Variants in MCM9 observed in about 807,000 individuals in gnomAD.
The protein encoded by MCM9 is DNA helicase MCM9.
In MCM9, 55 loss-of-function variants were observed where a neutral mutation model predicts 72.8. The observed-to-expected ratio is 0.76, with a 90% confidence interval of 0.61 to 0.95. MCM9 has a LOEUF of 0.95. Ranked by LOEUF, MCM9 falls within the 40% of genes least tolerant of loss-of-function variation. The pLI is 0.00. For missense variants in MCM9, 1,279 were observed against 1,377.0 expected (o/e 0.93, Z 1.13); for synonymous variants, 480 against 503.4 (o/e 0.95, Z 0.62).
chr6:118,814,640 G>A lies in MCM9; in HGVS notation c.*184C>T. 1.9e-6 allele frequency: 1 copy of A among 530,134 alleles called. No homozygotes were observed. The allele number at this position is 530,134 out of a possible 1,614,324, so 32.8% of individuals were successfully genotyped here. A position where few individuals can be genotyped will look rare whatever the true frequency, so the allele number is the denominator to read the frequency against. ...TGCTGGTATCACACTGACCTCAACT[G>A]ATTATACAACTTTTTAAGTCATGAA... On this transcript the variant is annotated 3_prime_UTR_variant, in exon 14 of 14. Coordinates refer to ENST00000619706, the MANE Select transcript of MCM9 (RefSeq NM_017696.3).
At chr6:118,848,758 T>C (rs1776040889) in intron 9 of MCM9, among the ~76,000 whole-genome samples, 1 of 152,058 alleles carries the variant, frequency 6.6e-6, no homozygotes, top group Non-Finnish European at 1.5e-5. Context: ...ACCCCATCTC[T>C]ACTAAAACAC....
intron 8 of MCM9, among the ~76,000 whole-genome samples, chr6:118,889,516 G>C (rs1287146309): frequency 3.3e-5 from 5 of 152,152 alleles, no homozygotes; most frequent in African/African-American, 1.2e-4. Flanking sequence ...TCTGATGAAT[G>C]AGAGCAGTAG....
chr6:118,863,578 T>C (rs1035704144), intron 8 of MCM9, among the ~76,000 whole-genome samples: 1 of 152,218 alleles, frequency 6.6e-6, no homozygotes, highest in African/African-American at 2.4e-5. Context: ...ATATTAAATC[T>C]TAATCCCCAT....
At chr6:118,911,055 AT>A in intron 8 of MCM9, 1 of 983,614 alleles carries the variant, frequency 1.0e-6, no homozygotes, top group Non-Finnish European at 1.2e-6. Context: ...TTTTAAAATA[AT>A]TTTTTTCTAA....
chr6:118,825,770 C>T (rs140428753), intron 13 of MCM9, among the ~76,000 whole-genome samples: 2 of 152,256 alleles, frequency 1.3e-5, no homozygotes, highest in Non-Finnish European at 2.9e-5. Flanking sequence ...GTCTATTATT[C>T]ACATTTTAAT....
intron 9 of MCM9, among the ~76,000 whole-genome samples, chr6:118,847,851 A>G (rs1401021887): frequency 6.6e-6 from 1 of 151,970 alleles, no homozygotes; most frequent in East Asian, 1.9e-4. Flanking sequence ...AATCACCTTT[A>G]GAGCAAGTGA....
chr6:118,897,315 G>C (rs957872850), intron 8 of MCM9, among the ~76,000 whole-genome samples: 8 of 152,096 alleles, frequency 5.3e-5, no homozygotes, highest in Admixed American at 5.2e-4. Context: ...TTGGTCTTAA[G>C]ATAATTTGGT....
chr6:118,881,137 A>G (rs1778262836), intron 8 of MCM9, among the ~76,000 whole-genome samples: 1 of 152,236 alleles, frequency 6.6e-6, no homozygotes, highest in Non-Finnish European at 1.5e-5. Context: ...GGGAAATTGA[A>G]ATCATGCAAA....
chr6:118,844,202 G>C (rs1187575746), intron 9 of MCM9, among the ~76,000 whole-genome samples: 1 of 151,818 alleles, frequency 6.6e-6, no homozygotes, highest in Non-Finnish European at 1.5e-5. Flanking sequence ...GCATTTGGCA[G>C]TTAACTGTAC....
chr6:118,890,412 A>G (rs1778867192), intron 8 of MCM9, among the ~76,000 whole-genome samples: 1 of 152,240 alleles, frequency 6.6e-6, no homozygotes, highest in Admixed American at 6.5e-5. Context: ...TGTGAGGCTC[A>G]AAAACAGGTA....
At chr6:118,920,905 C>T (rs1781375103) in intron 5 of MCM9, 2 of 152,196 alleles carry the variant, frequency 1.3e-5, no homozygotes, top group Admixed American at 1.3e-4. Context: ...TAAAACATCA[C>T]CCTTCCACAA....
At chr6:118,832,004 C>T (rs150864338) in intron 9 of MCM9, among the ~76,000 whole-genome samples, 1,612 of 152,242 alleles carry the variant, frequency 0.011, 29 homozygotes, top group African/African-American at 0.036. Context: ...AAAATCAATG[C>T]GCTTTTACTT....
At position 118,934,900 on chromosome 6, in the gene MCM9, C is replaced by G. The variant is rs1265343844; in HGVS notation, c.-159G>C. 1.3e-5 allele frequency: 2 copies of G among 152,270 alleles called. No individual in the cohort carries two copies. Among genetic ancestry groups the G allele is most frequent in the African/African-American group, 4.8e-5 (2 of 41,470 alleles). 9.4% of individuals were successfully genotyped at this position (152,270 alleles called of 1,614,324 possible). A position where few individuals can be genotyped will look rare whatever the true frequency, so the allele number is the denominator to read the frequency against. On this transcript the variant is annotated 5_prime_UTR_variant, in exon 1 of 14. Coordinates refer to ENST00000619706, the MANE Select transcript of MCM9 (RefSeq NM_017696.3). Reference sequence around the variant, plus strand: ...GGCGGCTATCACTTACTGGCTGTGTCAGAAGTCGCCGGGAACGCGTTGCTC... The same window carrying G: ...GGCGGCTATCACTTACTGGCTGTGTGAGAAGTCGCCGGGAACGCGTTGCTC...
intron 9 of MCM9, 113 bp from the exon 10 acceptor site, chr6:118,829,363 T>C: frequency 1.1e-6 from 1 of 905,816 alleles, no homozygotes; most frequent in Admixed American, 2.9e-5. Flanking sequence ...CGAACTCCTA[T>C]GAAAGAAAAT....
chr6:118,921,314 C>T (rs764099388), intron 5 of MCM9: 1 of 152,210 alleles, frequency 6.6e-6, no homozygotes, highest in African/African-American at 2.4e-5. Flanking sequence ...TGAAACCCAA[C>T]AGCAACTTCT....
chr6:118,933,046 T>G (rs2114474016), intron 1 of MCM9, among the ~76,000 whole-genome samples: 1 of 152,324 alleles, frequency 6.6e-6, no homozygotes, highest in Non-Finnish European at 1.5e-5. Context: ...GTTCTCTATG[T>G]CCTCAGAAAT....
At chr6:118,909,268 T>G (rs1388715226) in intron 8 of MCM9, 1 of 152,210 alleles carries the variant, frequency 6.6e-6, no homozygotes, top group Non-Finnish European at 1.5e-5. Flanking sequence ...ACTGCTGAGT[T>G]TTTATTCTGA....
At chr6:118,837,397 A>C (rs1300079567) in intron 9 of MCM9, among the ~76,000 whole-genome samples, 1 of 152,114 alleles carries the variant, frequency 6.6e-6, no homozygotes, top group Non-Finnish European at 1.5e-5. Context: ...CTTGGTCCAG[A>C]GCTGAGTTCA....
At position 118,911,509 on chromosome 6, in the gene MCM9, T is replaced by C. The variant is rs7767856; in HGVS notation, c.1150+141A>G. On this transcript the variant is annotated intron_variant, in intron 8 of 13. Coordinates refer to ENST00000619706, the MANE Select transcript of MCM9 (RefSeq NM_017696.3). The stretch of plus-strand genomic sequence containing the variant: ...TTTCTTAGAGCTACCAAAATAACAT[T>C]GCATATTTCCTTCCATTTTTAGTGG... 2,809 of 1,359,364 alleles carry C rather than the reference T, an allele frequency of 2.1e-3. 48 individuals are homozygous for C. In the African/African-American group the frequency reaches 0.036, roughly 18 times the overall value. 84.2% of individuals were successfully genotyped at this position (1,359,364 alleles called of 1,614,324 possible).
Sources: gnomAD v4.1 joint callset for allele counts (sites outside exome capture counted in the v4.1 genomes callset) on GRCh38, gnomAD v4.1.1 for gene constraint, MANE v1.5 for transcripts, NCBI Gene and HGNC (gene_info 2026-07-23, HGNC 2026-07-21) for gene names.